PISD: variants seen among roughly 807,000 people sequenced by gnomAD.
PISD encodes phosphatidylserine decarboxylase.
PISD carries 31 observed loss-of-function variants against 43.5 expected under a neutral mutation model. That is an observed-to-expected ratio of 0.71 (90% CI 0.54 to 0.96). PISD has a LOEUF of 0.96. Ranked by LOEUF, PISD falls within the 40% of genes least tolerant of loss-of-function variation. PISD has a pLI of 0.00. For missense variants in PISD, 523 were observed against 548.4 expected (o/e 0.95, Z 0.46); for synonymous variants, 259 against 228.7 (o/e 1.13, Z -1.20).
At chr22:31,636,117 C>T (rs777184105) in intron 3 of PISD, among the ~76,000 whole-genome samples, 4 of 152,208 alleles carry the variant, frequency 2.6e-5, no homozygotes, top group South Asian at 2.1e-4. Context: ...GGCGCCAGGA[C>T]GCGTGCTGAG....
chr22:31,620,746 C>T (rs751223803), intron 6 of PISD, 33 bp from the exon 7 acceptor site: 2 of 1,612,188 alleles, frequency 1.2e-6, no homozygotes, highest in South Asian at 2.2e-5. Context: ...TACTCCCCGT[C>T]CAGAGCCCGG....
At chr22:31,649,969 C>G (rs1318884363) in intron 2 of PISD, among the ~76,000 whole-genome samples, 4 of 152,168 alleles carry the variant, frequency 2.6e-5, no homozygotes, top group Non-Finnish European at 4.4e-5. Context: ...CAGATTCTCC[C>G]TCACAGCCCT....
chr22:31,654,044 T>C (rs1040352142), intron 1 of PISD, among the ~76,000 whole-genome samples: 4 of 152,228 alleles, frequency 2.6e-5, no homozygotes, highest in Non-Finnish European at 4.4e-5. Context: ...CTCCACTCAC[T>C]GTTACCACTT....
chr22:31,655,346 C>T (rs540164962), intron 1 of PISD, among the ~76,000 whole-genome samples: 12 of 150,130 alleles, frequency 8.0e-5, no homozygotes, highest in South Asian at 6.2e-4. Context: ...GATGGGGTCT[C>T]GCTTTGCTGC....
At chr22:31,642,225 C>T (rs900952191) in intron 3 of PISD, among the ~76,000 whole-genome samples, 1 of 150,970 alleles carries the variant, frequency 6.6e-6, no homozygotes, top group African/African-American at 2.5e-5. Context: ...CTTTGGGAGG[C>T]CAAGGTGGGA....
chr22:31,650,704 C>T lies in PISD; in HGVS notation c.140G>A (p.Arg47His), dbSNP rs537781569. Reference protein sequence around the residue: ...PLRKLPFRAFRTDARKIHTAP... With the variant: ...PLRKLPFRAFHTDARKIHTAP... Reference sequence around the variant, plus strand: ...CATCTCTAATTGCTCCTTACCTGTGCGAAAGGCTCTAAAAGGCAGCTTCCG... The same window carrying T: ...CATCTCTAATTGCTCCTTACCTGTGTGAAAGGCTCTAAAAGGCAGCTTCCG... The change falls in exon 2 of 8, where the codon CGC becomes CAC. Residue 47 changes from arginine (R) to histidine (H), a missense_variant. By Grantham distance (29) the Arg-to-His change is conservative. Coordinates refer to ENST00000439502, the MANE Select transcript of PISD (RefSeq NM_001326411.2). 51 of 1,545,530 alleles carry T rather than the reference C, an allele frequency of 3.3e-5. No individual in the cohort carries two copies. Among genetic ancestry groups the T allele is most frequent in the Admixed American group, 9.8e-5 (5 of 51,208 alleles).
intron 3 of PISD, among the ~76,000 whole-genome samples, chr22:31,645,855 TAA>T (rs200852599): frequency 2.3e-4 from 25 of 108,076 alleles, no homozygotes; most frequent in Non-Finnish European, 3.6e-4. Flanking sequence ...AGACTCCATC[TAA>T]AAAAAAAAAA....
chr22:31,661,327 T>C (rs1001167509), intron 1 of PISD, among the ~76,000 whole-genome samples: 4 of 152,148 alleles, frequency 2.6e-5, no homozygotes, highest in Non-Finnish European at 5.9e-5. Context: ...AACACACAAG[T>C]ATGGCGCATC....
In PISD at chr22:31,650,761, A is replaced by G. The variant is rs143321925; in HGVS notation, c.83T>C (p.Ile28Thr). 2.8e-3 allele frequency: 4,385 copies of G among 1,553,520 alleles called. 16 individuals are homozygous for G. Among genetic ancestry groups the G allele is most frequent in the Non-Finnish European group, 2.7e-3 (3,106 of 1,147,976 alleles). Residue 28 changes from isoleucine (I) to threonine (T), a missense_variant, in exon 2 of 8, where the codon ATC (isoleucine) becomes ACC (threonine). Physicochemically the swap from Ile to Thr is moderately conservative, Grantham distance 89 (BLOSUM62 -1). Coordinates refer to ENST00000439502, the MANE Select transcript of PISD (RefSeq NM_001326411.2). ...PWRSSLHPCE[I>T]TALSQSLQPL... Reference sequence around the variant, plus strand: ...CTGTAGGGATTGGCTCAGGGCAGTGATCTCACAGGGATGGAGGCTATAACC... The same window carrying G: ...CTGTAGGGATTGGCTCAGGGCAGTGGTCTCACAGGGATGGAGGCTATAACC...
At chr22:31,625,530 G>A (rs1021902600) in intron 3 of PISD, 15 of 601,104 alleles carry the variant, frequency 2.5e-5, no homozygotes, top group African/African-American at 2.4e-4. Flanking sequence ...TCTGAGGCTC[G>A]CTGGCAGCCT....
At chr22:31,655,949 T>G (rs1216601578) in intron 1 of PISD, among the ~76,000 whole-genome samples, 3 of 152,100 alleles carry the variant, frequency 2.0e-5, no homozygotes, top group Admixed American at 6.6e-5. Context: ...GGACTCATTT[T>G]TAAGTCCTTT....
At chr22:31,631,035 G>A (rs945023184) in intron 3 of PISD, among the ~76,000 whole-genome samples, 1 of 152,268 alleles carries the variant, frequency 6.6e-6, no homozygotes, top group African/African-American at 2.4e-5. Context: ...AGGCCAGGGA[G>A]AAGGGGAAGG....
chr22:31,661,978 C>T (rs12158002), intron 1 of PISD, among the ~76,000 whole-genome samples, 166 bp downstream of exon 1: 8,820 of 152,244 alleles, frequency 0.058, 467 homozygotes, highest in Admixed American at 0.13. Context: ...CCGGACCGCC[C>T]TACGCAGGAG....
At chr22:31,626,747 AC>A (rs2072931384) in intron 3 of PISD, among the ~76,000 whole-genome samples, 1 of 152,132 alleles carries the variant, frequency 6.6e-6, no homozygotes, top group South Asian at 2.1e-4. Flanking sequence ...AAGCCTCTCC[AC>A]CTTGGCCTGC....
chr22:31,637,199 A>G (rs1375852289), intron 3 of PISD, among the ~76,000 whole-genome samples: 1 of 110,198 alleles, frequency 9.1e-6, no homozygotes, highest in African/African-American at 3.5e-5. Flanking sequence ...ATATATATAT[A>G]TATATATAGA....
At chr22:31,657,239 C>T (rs1487722363) in intron 1 of PISD, among the ~76,000 whole-genome samples, 1 of 151,136 alleles carries the variant, frequency 6.6e-6, no homozygotes, top group Non-Finnish European at 1.5e-5. Flanking sequence ...TGGGTTCAAG[C>T]AATTCTCTGC....
At chr22:31,639,045 G>C (rs946034578) in intron 3 of PISD, among the ~76,000 whole-genome samples, 3 of 151,682 alleles carry the variant, frequency 2.0e-5, no homozygotes, top group Admixed American at 6.6e-5. Flanking sequence ...CCAGGCTGGA[G>C]TGCAGTGGCA....
intron 3 of PISD, among the ~76,000 whole-genome samples, chr22:31,636,282 A>G (rs1038402485): frequency 5.9e-5 from 9 of 151,486 alleles, no homozygotes; most frequent in African/African-American, 1.9e-4. Context: ...TGTACTATAC[A>G]TTTTTTTTTT....
chr22:31,632,137 G>T, intron 3 of PISD: 1 of 563,384 alleles, frequency 1.8e-6, no homozygotes, highest in Non-Finnish European at 2.3e-6. Context: ...CCTGGAATAG[G>T]ACATAAGGGT....
Sources: allele counts gnomAD v4.1 joint callset (sites outside exome capture counted in the v4.1 genomes callset), GRCh38; gene constraint gnomAD v4.1.1; transcripts MANE v1.5; gene names NCBI Gene and HGNC (gene_info 2026-07-23, HGNC 2026-07-21).